The following ELMOD3 variants were observed in gnomAD, a reference collection of about 807,000 sequenced individuals.
The protein encoded by ELMOD3 is ELMO domain containing 3.
A neutral mutation model predicts 47.4 loss-of-function variants in ELMOD3; 36 were observed. That is an observed-to-expected ratio of 0.76 (90% confidence interval 0.58 to 1.00). The LOEUF (loss-of-function observed/expected upper bound fraction) is 1.00, where lower values mean the gene tolerates loss of function less well. Ranked by LOEUF, ELMOD3 falls within the 50% of genes least tolerant of loss-of-function variation. The probability of loss-of-function intolerance (pLI) is 0.00; values close to 1 mark genes in which losing one functional copy is unlikely to be tolerated. For synonymous variants in ELMOD3, 149 were observed against 183.5 expected, an observed-to-expected ratio of 0.81 and a Z score of 1.52; for missense variants, 404 against 463.8, an observed-to-expected ratio of 0.87 and a Z score of 1.18.
intron 9 of ELMOD3, 26 bp downstream of exon 9, chr2:85,371,235 C>A (rs1392641564): frequency 6.2e-7 from 1 of 1,614,188 alleles, no homozygotes; most frequent in South Asian, 1.1e-5. Context: ...GCCCACAGGG[C>A]AGTTGCTGCA....
intron 6 of ELMOD3, 49 bp from the exon 7 acceptor site, chr2:85,368,637 C>T: frequency 6.3e-7 from 1 of 1,599,490 alleles, no homozygotes; most frequent in South Asian, 1.1e-5. Flanking sequence ...CAGTAGAGGC[C>T]CAGACATACC....
At chr2:85,372,294 C>T (rs1219327559) in intron 10 of ELMOD3, 1 of 152,052 alleles carries the variant, frequency 6.6e-6, no homozygotes, top group African/African-American at 2.4e-5. Context: ...GAACAGAGAT[C>T]GCACTACTGC....
Position 85,371,094 on chromosome 2 carries a change from C to T in ELMOD3, c.369C>T (p.Ile123=). ...TVDLSPFKKR[I]QPTIRRTGLA... Reference sequence around the variant, plus strand: ...TGCAACTTCTTCCCCAGAAAAGAATCCAGCCAACTATTCGAAGGACTGGGC... The same window carrying T: ...TGCAACTTCTTCCCCAGAAAAGAATTCAGCCAACTATTCGAAGGACTGGGC... Residue 123 remains isoleucine, a synonymous_variant, in exon 9 of 14, where the codon ATC becomes ATT. Coordinates refer to ENST00000409013, the MANE Select transcript of ELMOD3 (RefSeq NM_001135022.2). The T allele has an allele frequency of 5.0e-6, 8 of 1,613,918 alleles. No homozygotes were observed. Among genetic ancestry groups the T allele is most frequent in the Non-Finnish European group, 6.8e-6 (8 of 1,179,824 alleles).
chr2:85,368,052 A>G (rs1374727949), intron 6 of ELMOD3, among the ~76,000 whole-genome samples: 1 of 151,982 alleles, frequency 6.6e-6, no homozygotes, highest in African/African-American at 2.4e-5. Flanking sequence ...CTGGGACTAC[A>G]GGCGCCTGCC....
chr2:85,391,116 C>T lies in ELMOD3; in HGVS notation c.*154C>T. Reference sequence around the variant, plus strand: ...GGCTTAGCTGTGGGAAGCCAAGTACCCTCACCGGCATGGGACATGAGGGGC... The same window carrying T: ...GGCTTAGCTGTGGGAAGCCAAGTACTCTCACCGGCATGGGACATGAGGGGC... On this transcript the variant is annotated 3_prime_UTR_variant, in exon 14 of 14. Transcript: ENST00000409013. 1 of 717,164 alleles carries T rather than the reference C, an allele frequency of 1.4e-6. No individual in the cohort carries two copies. Among genetic ancestry groups the T allele is most frequent in the East Asian group, 2.7e-5 (1 of 36,454 alleles). The allele number at this position is 717,164 out of a possible 1,614,324, so 44.4% of individuals were successfully genotyped here.
chr2:85,364,056 G>A (rs555483855), intron 6 of ELMOD3, among the ~76,000 whole-genome samples: 6 of 152,122 alleles, frequency 3.9e-5, no homozygotes, highest in Non-Finnish European at 7.4e-5. Context: ...ATGAACCCAG[G>A]AGGTGGAGGT....
chr2:85,378,686 C>T (rs1685335624), intron 11 of ELMOD3, among the ~76,000 whole-genome samples: 2 of 152,208 alleles, frequency 1.3e-5, no homozygotes, highest in South Asian at 4.1e-4. Context: ...TTGCCCTAAG[C>T]AGTTCCTGGC....
intron 4 of ELMOD3, chr2:85,357,637 C>CCTA (rs1221767057): frequency 1.3e-5 from 2 of 156,994 alleles, no homozygotes; most frequent in Non-Finnish European, 2.8e-5. Flanking sequence ...GGCAGCTAAC[C>CCTA]CTACATGCCT....
intron 12 of ELMOD3, 23 bp from the exon 13 acceptor site, chr2:85,390,115 G>A (rs535702572): frequency 1.2e-6 from 2 of 1,606,872 alleles, no homozygotes; most frequent in Admixed American, 1.7e-5. Context: ...CGCTGAGCAG[G>A]TCACCTTGCC....
intron 11 of ELMOD3, among the ~76,000 whole-genome samples, chr2:85,382,808 G>T (rs72831535): frequency 6.6e-6 from 1 of 151,962 alleles, no homozygotes; most frequent in African/African-American, 2.4e-5. Flanking sequence ...GAGCCACCGC[G>T]TCTGGCCAGC....
At chr2:85,389,484 C>A (rs948630171) in intron 11 of ELMOD3, 1 of 522,432 alleles carries the variant, frequency 1.9e-6, no homozygotes, top group Non-Finnish European at 3.4e-6. Flanking sequence ...AGAGCTAGCA[C>A]GGGGGTTATG....
intron 10 of ELMOD3, 129 bp downstream of exon 10, chr2:85,371,691 C>T: frequency 1.4e-6 from 2 of 1,389,372 alleles, no homozygotes; most frequent in South Asian, 1.4e-5. Flanking sequence ...GAAGAGGGTG[C>T]AGCAAATGCA....
At chr2:85,373,158 G>A (rs1684920183) in intron 10 of ELMOD3, among the ~76,000 whole-genome samples, 1 of 151,810 alleles carries the variant, frequency 6.6e-6, no homozygotes, top group Non-Finnish European at 1.5e-5. Context: ...AGGAGGCTGA[G>A]GCAGGAGAAT....
At chr2:85,377,528 T>C (rs1685245493) in intron 11 of ELMOD3, 54 bp downstream of exon 11, 1 of 1,552,934 alleles carries the variant, frequency 6.4e-7, no homozygotes, top group Middle Eastern at 1.7e-4. Flanking sequence ...AGCTAGGACC[T>C]GAGTGGCCGA....
rs1399555748 is a variant in ELMOD3, at chr2:85,371,512, A to G, written c.557A>G (p.Lys186Arg). The change falls in exon 10 of 14, where the codon AAG becomes AGG. Residue 186 changes from lysine to arginine, a missense_variant. By Grantham distance (26) the Lys-to-Arg change is conservative (BLOSUM62 2). Transcript: ENST00000409013. ...ATCTATAAGAAGCTGACCGGCTCCAAGTTTGACTGTGCCCTTCATGGAAAC... is the reference window on the plus strand; with the variant it reads ...ATCTATAAGAAGCTGACCGGCTCCAGGTTTGACTGTGCCCTTCATGGAAAC... ...QTIYKKLTGS[K>R]FDCALHGNHW... 8 of 1,614,248 alleles carry G rather than the reference A, an allele frequency of 5.0e-6. No homozygotes were observed. The highest frequency in any genetic ancestry group is 3.3e-5 in the Admixed American group (2 of 60,026).
intron 6 of ELMOD3, chr2:85,368,134 T>C (rs577092852): frequency 6.5e-6 from 1 of 154,054 alleles, no homozygotes; most frequent in South Asian, 2.0e-4. Flanking sequence ...ATGGTCTCGA[T>C]CTCCTGATCT....
chr2:85,368,656 A>G (rs749841842), intron 6 of ELMOD3, 30 bp from the exon 7 acceptor site: 25 of 1,612,022 alleles, frequency 1.6e-5, no homozygotes, highest in Admixed American at 8.3e-5. Flanking sequence ...CCTAGATCTC[A>G]GAGGGTCTCC....
At chr2:85,378,941 C>T (rs183714004) in intron 11 of ELMOD3, among the ~76,000 whole-genome samples, 7 of 152,102 alleles carry the variant, frequency 4.6e-5, no homozygotes, top group East Asian at 1.9e-4. Context: ...AGAGAAAATA[C>T]GGGGAGGAAG....
At chr2:85,388,157 A>C (rs1191069522) in intron 11 of ELMOD3, among the ~76,000 whole-genome samples, 1 of 151,964 alleles carries the variant, frequency 6.6e-6, no homozygotes, top group Non-Finnish European at 1.5e-5. Flanking sequence ...TTTTGAAAAA[A>C]AAAAAATTTT....
Sources: allele counts gnomAD v4.1 joint callset (sites outside exome capture counted in the v4.1 genomes callset), GRCh38; gene constraint gnomAD v4.1.1; transcripts MANE v1.5; gene names NCBI Gene and HGNC (gene_info 2026-07-23, HGNC 2026-07-21).